The following HPSE2 variants were observed in gnomAD, a reference collection of about 807,000 sequenced individuals.
HPSE2 encodes heparanase 2 (inactive).
In HPSE2, 38 loss-of-function variants were observed where a neutral mutation model predicts 60.5. That is an observed-to-expected ratio of 0.63 (90% CI 0.48 to 0.82). The LOEUF (loss-of-function observed/expected upper bound fraction) is 0.82, where lower values mean the gene tolerates loss of function less well. Among genes scored for constraint, HPSE2 ranks in the 40% least tolerant of loss-of-function variants. HPSE2 has a pLI of 0.00. For synonymous variants in HPSE2, 295 were observed against 293.2 expected (o/e 1.01, Z -0.06); for missense variants, 713 against 740.4 (o/e 0.96, Z 0.43).
chr10:99,167,980 G>A (rs1024406330), intron 2 of HPSE2, among the ~76,000 whole-genome samples: 3 of 151,206 alleles, frequency 2.0e-5, no homozygotes, highest in African/African-American at 4.9e-5. Flanking sequence ...TATTAGATTA[G>A]TTAGGGAAGT....
intron 2 of HPSE2, among the ~76,000 whole-genome samples, chr10:99,190,998 G>A (rs1199690595): frequency 6.6e-6 from 1 of 152,194 alleles, no homozygotes; most frequent in African/African-American, 2.4e-5. Flanking sequence ...AGTACTCACA[G>A]CAGGCCTAGG....
At chr10:99,047,702 T>C (rs1957888145) in intron 3 of HPSE2, 1 of 837,532 alleles carries the variant, frequency 1.2e-6, no homozygotes. Context: ...TAGGAAAAAG[T>C]GAAGGAATTT....
At chr10:98,646,925 TC>T (rs1477644702) in intron 6 of HPSE2, among the ~76,000 whole-genome samples, 1 of 152,222 alleles carries the variant, frequency 6.6e-6, no homozygotes. Context: ...TGCATACTCT[TC>T]CAGTTTTTCA....
chr10:98,762,627 T>C (rs1950031313), intron 3 of HPSE2, among the ~76,000 whole-genome samples: 1 of 150,160 alleles, frequency 6.7e-6, no homozygotes, highest in South Asian at 2.1e-4. Flanking sequence ...ACTCAAACTT[T>C]AATAACAGAA....
At chr10:98,517,289 C>A (rs550078658) in intron 9 of HPSE2, among the ~76,000 whole-genome samples, 188 of 152,164 alleles carry the variant, frequency 1.2e-3, no homozygotes, top group Non-Finnish European at 2.4e-3. Flanking sequence ...CATGCCCCAC[C>A]CAGCTATAAC....
intron 9 of HPSE2, among the ~76,000 whole-genome samples, chr10:98,596,336 A>AGTTTT (rs57715781): frequency 0.49 from 74,291 of 151,750 alleles, 18,781 homozygotes; most frequent in African/African-American, 0.62. Flanking sequence ...TATTTTTAGT[A>AGTTTT]GTTTTTTAAT....
rs543636508 is a variant in HPSE2 at position 98,933,742 on chromosome 10, T to C, written c.611-189686A>G. Among the ~76,000 whole-genome samples, 144 of 142,460 alleles carry C rather than the reference T, an allele frequency of 1.0e-3. 25 individuals are homozygous for C. The highest frequency in any genetic ancestry group is 4.0e-3 in the African/African-American group (137 of 34,534). 93.5% of individuals were successfully genotyped at this position (142,460 alleles called of 152,430 possible). A position where few individuals can be genotyped will look rare whatever the true frequency, so the allele number is the denominator to read the frequency against. On this transcript the variant is annotated intron_variant, in intron 3 of 11. Transcript: ENST00000370552. ...TTGCCTTTTTCTTTTTCTTTTCTTT[T>C]TTTTTTTGAGATGGAGTCTTGCTCT...
At chr10:99,240,457 C>G (rs950268911), upstream of HPSE2, among the ~76,000 whole-genome samples, 10 of 147,672 alleles carry the variant, frequency 6.8e-5, no homozygotes, top group Non-Finnish European at 1.2e-4. Context: ...GTCACCCAGG[C>G]TGGAGTGCAG....
At chr10:98,523,838 A>T (rs1453675125) in intron 9 of HPSE2, among the ~76,000 whole-genome samples, 1 of 152,090 alleles carries the variant, frequency 6.6e-6, no homozygotes, top group East Asian at 1.9e-4. Context: ...TTCCTTGTCA[A>T]CTCTAATGTA....
the HPSE2 span, among the ~76,000 whole-genome samples, chr10:99,268,384 C>A: frequency 6.6e-6 from 1 of 152,118 alleles, no homozygotes; most frequent in Non-Finnish European, 1.5e-5. Context: ...TGGCTCACGC[C>A]TGTAATCCCA....
At chr10:99,048,595 C>G (rs1009088599) in intron 3 of HPSE2, among the ~76,000 whole-genome samples, 1 of 152,038 alleles carries the variant, frequency 6.6e-6, no homozygotes, top group Non-Finnish European at 1.5e-5. Context: ...ATTGGTGAGG[C>G]TGTAGAGAAA....
At chr10:98,683,057 A>G (rs949653900) in intron 6 of HPSE2, among the ~76,000 whole-genome samples, 1 of 152,248 alleles carries the variant, frequency 6.6e-6, no homozygotes, top group African/African-American at 2.4e-5. Context: ...AAATGGTAGA[A>G]TAGAGAATTC....
At chr10:98,845,226 A>G (rs1180626920) in intron 3 of HPSE2, among the ~76,000 whole-genome samples, 3 of 152,244 alleles carry the variant, frequency 2.0e-5, no homozygotes, top group Non-Finnish European at 4.4e-5. Flanking sequence ...AACATGGGGT[A>G]AGAGCAGGAA....
At chr10:99,217,520 T>A (rs972312463) in intron 2 of HPSE2, among the ~76,000 whole-genome samples, 3 of 152,052 alleles carry the variant, frequency 2.0e-5, no homozygotes, top group African/African-American at 7.2e-5. Flanking sequence ...AGATTTTTTT[T>A]AAATCAAAAT....
intron 9 of HPSE2, among the ~76,000 whole-genome samples, chr10:98,574,631 G>C (rs2133905822): frequency 6.6e-6 from 1 of 152,236 alleles, no homozygotes; most frequent in East Asian, 1.9e-4. Context: ...AAACTCCCTG[G>C]ATAAGATGCA....
At chr10:98,989,877 TAG>T (rs1956480977) in intron 3 of HPSE2, among the ~76,000 whole-genome samples, 1 of 152,178 alleles carries the variant, frequency 6.6e-6, no homozygotes, top group Non-Finnish European at 1.5e-5. Flanking sequence ...TTGGCATTCT[TAG>T]AGTCTTCTGC....
At chr10:99,212,332 C>G (rs1259932496) in intron 2 of HPSE2, among the ~76,000 whole-genome samples, 1 of 151,970 alleles carries the variant, frequency 6.6e-6, no homozygotes, top group African/African-American at 2.4e-5. Flanking sequence ...GAAATGAAAT[C>G]ACTATGTCAA....
intron 2 of HPSE2, among the ~76,000 whole-genome samples, chr10:99,164,617 C>T (rs1846991908): frequency 6.6e-6 from 1 of 152,032 alleles, no homozygotes; most frequent in African/African-American, 2.4e-5. Flanking sequence ...GTAGAAAGAG[C>T]TCAGAGAGGT....
the HPSE2 span, among the ~76,000 whole-genome samples, chr10:99,257,821 A>C: frequency 6.6e-6 from 1 of 152,180 alleles, no homozygotes; most frequent in South Asian, 2.1e-4. Context: ...GCATCACGGA[A>C]CCTGCCGACA....
Sources: gnomAD v4.1 joint callset for allele counts (sites outside exome capture counted in the v4.1 genomes callset) on GRCh38, gnomAD v4.1.1 for gene constraint, MANE v1.5 for transcripts, NCBI Gene and HGNC (gene_info 2026-07-23, HGNC 2026-07-21) for gene names.